ABCB5: variants seen among roughly 807,000 people sequenced by gnomAD.
The protein encoded by ABCB5 is ATP binding cassette subfamily B member 5, also known as ATP-binding cassette sub-family B member 5.
A neutral mutation model predicts 144.2 loss-of-function variants in ABCB5; 155 were observed. The observed-to-expected ratio is 1.08, with a 90% CI of 0.94 to 1.23. The LOEUF (loss-of-function observed/expected upper bound fraction) is 1.23, where lower values mean the gene tolerates loss of function less well. Among genes scored for constraint, ABCB5 ranks in the 50% most tolerant of loss-of-function variants. The probability of loss-of-function intolerance (pLI) is 0.00; values close to 1 mark genes in which losing one functional copy is unlikely to be tolerated. For missense variants in ABCB5, 1,830 were observed against 1,520.8 expected, an observed-to-expected ratio of 1.20 and a Z score of -3.38; for synonymous variants, 610 against 528.6, an observed-to-expected ratio of 1.15 and a Z score of -2.11.
chr7:20,654,645 T>C (rs73684658), intron 13 of ABCB5, among the ~76,000 whole-genome samples: 25,912 of 151,996 alleles, frequency 0.17, 2,518 homozygotes, highest in African/African-American at 0.26. Context: ...ATAGAAAACA[T>C]AGAAAATATG....
intron 3 of ABCB5, among the ~76,000 whole-genome samples, chr7:20,626,831 CAG>C (rs1180559107): frequency 6.7e-6 from 1 of 149,766 alleles, no homozygotes; most frequent in African/African-American, 2.5e-5. Flanking sequence ...CATAATGACT[CAG>C]TGTTTTAAAA....
chr7:20,708,983 G>C (rs1036925892), intron 20 of ABCB5, among the ~76,000 whole-genome samples: 1 of 151,944 alleles, frequency 6.6e-6, no homozygotes, highest in Non-Finnish European at 1.5e-5. Flanking sequence ...CAAATTCAAC[G>C]TTGGCTCCTC....
At chr7:20,670,845 G>T (rs1305468982) in intron 14 of ABCB5, among the ~76,000 whole-genome samples, 1 of 152,180 alleles carries the variant, frequency 6.6e-6, no homozygotes, top group Non-Finnish European at 1.5e-5. Context: ...GGAGGCGGAG[G>T]TTGCAGTGAG....
intron 26 of ABCB5, 130 bp from the exon 27 acceptor site, chr7:20,753,230 T>G: frequency 1.7e-6 from 2 of 1,143,030 alleles, no homozygotes; most frequent in Admixed American, 5.4e-5. Context: ...AGAATAGATT[T>G]CAACATTTGT....
In ABCB5 at chr7:20,618,764, C is replaced by CTTTTTTTTTTTTTTTT. The variant is rs59970398; in HGVS notation, c.-22+2940_-22+2955dup. The stretch of plus-strand genomic sequence containing the variant: ...TCATGGCATATATGTGCTGCATTTT[C>CTTTTTTTTTTTTTTTT]TTTTTTTTTTTTTTTTTTTTTTTTT... On this transcript the variant is annotated intron_variant, in intron 1 of 27. Transcript: ENST00000404938. 1.9e-4 allele frequency among the ~76,000 whole-genome samples: 10 copies of CTTTTTTTTTTTTTTTT among 51,574 alleles called. 3 individuals are homozygous for CTTTTTTTTTTTTTTTT. Among genetic ancestry groups the CTTTTTTTTTTTTTTTT allele is most frequent in the Admixed American group, 3.3e-4 (1 of 3,074 alleles). The allele number at this position is 51,574 out of a possible 152,430, so 33.8% of individuals were successfully genotyped here. A position where few individuals can be genotyped will look rare whatever the true frequency, so the allele number is the denominator to read the frequency against.
intron 23 of ABCB5, among the ~76,000 whole-genome samples, chr7:20,733,647 T>C (rs923076387): frequency 1.3e-5 from 2 of 151,860 alleles, no homozygotes; most frequent in Non-Finnish European, 2.9e-5. Flanking sequence ...TTTTCTTTTT[T>C]TTTTTTTTTA....
chr7:20,616,595 C>T (rs1419872349), intron 1 of ABCB5, among the ~76,000 whole-genome samples: 1 of 152,170 alleles, frequency 6.6e-6, no homozygotes, highest in Non-Finnish European at 1.5e-5. Context: ...GCCATGATAG[C>T]ATCCACACAG....
In ABCB5 at chr7:20,643,652, C is replaced by CA; in HGVS notation, c.678+22dup. 6.2e-7 allele frequency: 1 copy of CA among 1,612,132 alleles called. No homozygotes were observed. Among genetic ancestry groups the CA allele is most frequent in the Non-Finnish European group, 8.5e-7 (1 of 1,178,592 alleles). On this transcript the variant is annotated intron_variant, in intron 7 of 27. Coordinates refer to ENST00000404938, the MANE Select transcript of ABCB5 (RefSeq NM_001163941.2). ...TCTAGGGTAAGTGAGATGGCTAATG[C>CA]AATATTGAATGGAAGCAGCAGTGTG...
chr7:20,671,560 G>T (rs974804666), intron 14 of ABCB5, among the ~76,000 whole-genome samples: 2 of 152,136 alleles, frequency 1.3e-5, no homozygotes, highest in African/African-American at 4.8e-5. Flanking sequence ...TATATAAAGG[G>T]AGCAATATCA....
chr7:20,648,430 A>G (rs1046787109), intron 11 of ABCB5, among the ~76,000 whole-genome samples: 6 of 152,098 alleles, frequency 3.9e-5, no homozygotes, highest in African/African-American at 1.2e-4. Context: ...TCTCTAACCT[A>G]GGAGAATTAT....
chr7:20,637,425 T>G (rs1225595023), intron 5 of ABCB5, among the ~76,000 whole-genome samples: 1 of 151,940 alleles, frequency 6.6e-6, no homozygotes, highest in South Asian at 2.1e-4. Context: ...ACTTAATTTT[T>G]TTTTTTTTTT....
intron 15 of ABCB5, 59 bp downstream of exon 15, chr7:20,681,725 C>T: frequency 6.5e-7 from 1 of 1,541,800 alleles, no homozygotes; most frequent in Non-Finnish European, 8.7e-7. Context: ...GAGATCATAC[C>T]ACACTAGAAA....
intron 14 of ABCB5, among the ~76,000 whole-genome samples, chr7:20,665,477 A>G (rs987388818): frequency 8.5e-5 from 13 of 152,190 alleles, no homozygotes; most frequent in Non-Finnish European, 1.8e-4. Flanking sequence ...TTCAACTACC[A>G]TGGTGACCTT....
chr7:20,646,236 T>C, intron 9 of ABCB5, 98 bp downstream of exon 9: 1 of 1,173,744 alleles, frequency 8.5e-7, no homozygotes. Flanking sequence ...CAAAGATGGA[T>C]GTTTTTATTA....
Position 20,633,014 on chromosome 7 carries a change from TAATA to T in ABCB5, c.314+920_314+923del, listed in dbSNP as rs566634496. The stretch of plus-strand genomic sequence containing the variant: ...TACCCTAAAACTTAAAGTATAATAA[TAATA>T]AATAAATAAATAAATAAAAAGAAAA... On this transcript the variant is annotated intron_variant, in intron 5 of 27. Transcript: ENST00000404938. Among the ~76,000 whole-genome samples the T allele has an allele frequency of 2.9e-4, 44 of 151,194 alleles. No individual in the cohort carries two copies. The East Asian group carries it at 4.5e-3, about 15-fold the overall frequency.
chr7:20,623,140 A>C, intron 1 of ABCB5, 125 bp from the exon 2 acceptor site: 1 of 630,422 alleles, frequency 1.6e-6, no homozygotes. Context: ...GGGGCTGGGC[A>C]GGGCGAAATT....
chr7:20,705,568 T>C (rs1786793427), intron 20 of ABCB5, among the ~76,000 whole-genome samples: 1 of 152,222 alleles, frequency 6.6e-6, no homozygotes, highest in Non-Finnish European at 1.5e-5. Flanking sequence ...ATAAAAATTC[T>C]AGTAGAGTTA....
Position 20,729,987 on chromosome 7 carries a change from A to G in ABCB5, c.2867+1532A>G, listed in dbSNP as rs146190350. 3.8e-3 allele frequency among the ~76,000 whole-genome samples: 573 copies of G among 152,338 alleles called. 4 individuals are homozygous for G. Among genetic ancestry groups the G allele is most frequent in the East Asian group, 0.034 (176 of 5,190 alleles). On this transcript the variant is annotated intron_variant, in intron 23 of 27. Transcript: ENST00000404938. ...GACATTTAAACCTAAGTAATTTCAG[A>G]ATAACTTGGAATAATTTTTAGTTTC...
intron 4 of ABCB5, among the ~76,000 whole-genome samples, chr7:20,629,287 G>A (rs941242952): frequency 2.0e-5 from 3 of 152,008 alleles, no homozygotes; most frequent in African/African-American, 7.2e-5. Context: ...GAGAGCCAAT[G>A]TTGCAGTTCA....
Sources: gnomAD v4.1 joint callset for allele counts (sites outside exome capture counted in the v4.1 genomes callset) on GRCh38, gnomAD v4.1.1 for gene constraint, MANE v1.5 for transcripts, NCBI Gene and HGNC (gene_info 2026-07-23, HGNC 2026-07-21) for gene names.